The following CORIN variants were observed in gnomAD, a reference collection of about 807,000 sequenced individuals.
The protein encoded by CORIN is atrial natriuretic peptide-converting enzyme.
A neutral mutation model predicts 125.3 loss-of-function variants in CORIN; 117 were observed. The ratio of observed to expected loss-of-function variants is 0.93; its 90% confidence interval spans 0.80 to 1.09. CORIN has a LOEUF of 1.09. Ranked by LOEUF, CORIN falls within the 50% of genes least tolerant of loss-of-function variation. The pLI is 0.00. For missense variants in CORIN, 1,253 were observed against 1,306.7 expected (o/e 0.96, Z 0.63); for synonymous variants, 450 against 466.4 (o/e 0.96, Z 0.45).
chr4:47,713,254 G>C (rs1269083604), intron 5 of CORIN, among the ~76,000 whole-genome samples: 1 of 152,146 alleles, frequency 6.6e-6, no homozygotes, highest in Non-Finnish European at 1.5e-5. Context: ...TCATCAGAAC[G>C]TGAATAATGA....
At chr4:47,661,134 T>C (rs1724230871) in intron 12 of CORIN, among the ~76,000 whole-genome samples, 1 of 152,158 alleles carries the variant, frequency 6.6e-6, no homozygotes, top group Admixed American at 6.6e-5. Flanking sequence ...ATTAACACAA[T>C]TGAAGTCATG....
intron 19 of CORIN, among the ~76,000 whole-genome samples, chr4:47,623,096 CTA>C (rs1553904935): frequency 0.01 from 1,071 of 102,216 alleles, 11 homozygotes; most frequent in African/African-American, 0.02. Context: ...CTCTCTCTCT[CTA>C]TATATATATA....
rs77928682 is a variant in CORIN, at chr4:47,716,052, A to G, written c.800-22969T>C. Among the ~76,000 whole-genome samples the G allele has an allele frequency of 6.1e-3, 927 of 152,330 alleles. 9 individuals carry two copies. Among genetic ancestry groups the G allele is most frequent in the African/African-American group, 0.021 (863 of 41,574 alleles). Reference sequence around the variant, plus strand: ...TTCAAATTGTAATTTGACATACTCAATTGAACTAAATGTAGTACTCTATTT... The same window carrying G: ...TTCAAATTGTAATTTGACATACTCAGTTGAACTAAATGTAGTACTCTATTT... On this transcript the variant is annotated intron_variant, in intron 5 of 21. Coordinates refer to ENST00000273857, the MANE Select transcript of CORIN (RefSeq NM_006587.4).
intron 5 of CORIN, among the ~76,000 whole-genome samples, chr4:47,698,236 G>T (rs934638962): frequency 6.6e-6 from 1 of 151,798 alleles, no homozygotes; most frequent in African/African-American, 2.4e-5. Flanking sequence ...GGGTAAGGGA[G>T]GTATAGGGTA....
chr4:47,728,489 TG>T (rs1435909215), intron 5 of CORIN, among the ~76,000 whole-genome samples: 1 of 152,138 alleles, frequency 6.6e-6, no homozygotes, highest in Admixed American at 6.5e-5. Flanking sequence ...TTGACCATGA[TG>T]GGGCGTACAA....
chr4:47,799,903 T>C (rs943013723), intron 2 of CORIN, among the ~76,000 whole-genome samples: 1 of 152,130 alleles, frequency 6.6e-6, no homozygotes, highest in African/African-American at 2.4e-5. Flanking sequence ...TACAATGAAA[T>C]ATTGTTCAGC....
chr4:47,612,416 T>A (rs1390472896), intron 19 of CORIN, among the ~76,000 whole-genome samples: 1 of 152,196 alleles, frequency 6.6e-6, no homozygotes, highest in Non-Finnish European at 1.5e-5. Flanking sequence ...TTTTAAATGC[T>A]ACCTAAAAAT....
chr4:47,756,511 G>T (rs1729153529), intron 4 of CORIN, among the ~76,000 whole-genome samples: 1 of 152,148 alleles, frequency 6.6e-6, no homozygotes. Context: ...AACTCATTTG[G>T]TTCTCACTGC....
chr4:47,608,889 T>C (rs1721761620), intron 19 of CORIN, among the ~76,000 whole-genome samples: 2 of 152,238 alleles, frequency 1.3e-5, no homozygotes, highest in African/African-American at 2.4e-5. Flanking sequence ...ATGAAATTTT[T>C]CACTCAATTC....
At chr4:47,763,332 C>G in intron 4 of CORIN, 47 bp downstream of exon 4, 1 of 1,494,810 alleles carries the variant, frequency 6.7e-7, no homozygotes, top group Non-Finnish European at 9.2e-7. Flanking sequence ...TAGGACACTT[C>G]TGCTATAACC....
At chr4:47,663,016 T>C (rs1378946366) in intron 11 of CORIN, among the ~76,000 whole-genome samples, 1 of 152,220 alleles carries the variant, frequency 6.6e-6, no homozygotes, top group Non-Finnish European at 1.5e-5. Flanking sequence ...TGCAGATTTA[T>C]AAAAAATGTA....
At chr4:47,834,395 T>C (rs1733264626) in intron 1 of CORIN, among the ~76,000 whole-genome samples, 1 of 152,100 alleles carries the variant, frequency 6.6e-6, no homozygotes, top group Non-Finnish European at 1.5e-5. Flanking sequence ...TTGAGGAATC[T>C]TAAAACAGTC....
intron 16 of CORIN, among the ~76,000 whole-genome samples, chr4:47,631,321 T>C (rs1236457543): frequency 6.6e-6 from 1 of 152,156 alleles, no homozygotes; most frequent in Non-Finnish European, 1.5e-5. Context: ...AAGCTTCATC[T>C]GTGTTTACAG....
At chr4:47,796,121 A>T (rs1731278276) in intron 2 of CORIN, among the ~76,000 whole-genome samples, 1 of 152,118 alleles carries the variant, frequency 6.6e-6, no homozygotes, top group South Asian at 2.1e-4. Flanking sequence ...CTGGGTATAC[A>T]TCCAAAAAAT....
intron 1 of CORIN, among the ~76,000 whole-genome samples, chr4:47,821,489 T>TA (rs923626451): frequency 2.0e-5 from 3 of 151,628 alleles, no homozygotes; most frequent in Admixed American, 1.3e-4. Context: ...TACATACTTA[T>TA]AAAAAAAACT....
Position 47,623,759 on chromosome 4 carries a change from G to C in CORIN, c.2366-14C>G. On this transcript the variant is annotated splice_polypyrimidine_tract_variant and intron_variant, in intron 18 of 21. Coordinates refer to ENST00000273857, the MANE Select transcript of CORIN (RefSeq NM_006587.4). The stretch of plus-strand genomic sequence containing the variant: ...GGCGCCCACAGTCTACCAAGGAGCA[G>C]AAGACACAGTTTGTGAGTTGATGCC... 1 of 1,613,648 alleles carries C rather than the reference G, an allele frequency of 6.2e-7. No individual in the cohort carries two copies. The highest frequency in any genetic ancestry group is 8.5e-7 in the Non-Finnish European group (1 of 1,179,924).
chr4:47,726,146 C>T (rs950905155), intron 5 of CORIN, among the ~76,000 whole-genome samples: 4 of 152,024 alleles, frequency 2.6e-5, no homozygotes, highest in African/African-American at 7.2e-5. Flanking sequence ...AAGTTGCATA[C>T]ATTGTTATTG....
chr4:47,687,643 G>C (rs759278563), intron 6 of CORIN, among the ~76,000 whole-genome samples: 2 of 152,142 alleles, frequency 1.3e-5, no homozygotes, highest in Non-Finnish European at 2.9e-5. Flanking sequence ...TCTTTCAACT[G>C]TACAGTCTCT....
intron 19 of CORIN, among the ~76,000 whole-genome samples, chr4:47,618,038 G>T (rs370619225): frequency 2.0e-5 from 3 of 152,282 alleles, no homozygotes; most frequent in African/African-American, 7.2e-5. Context: ...CATAGACATA[G>T]GATTAGAAAA....
Sources: allele counts gnomAD v4.1 joint callset (sites outside exome capture counted in the v4.1 genomes callset), GRCh38; gene constraint gnomAD v4.1.1; transcripts MANE v1.5; gene names NCBI Gene and HGNC (gene_info 2026-07-23, HGNC 2026-07-21).